Variants in ATP2B2 observed in about 807,000 individuals in gnomAD.
The protein encoded by ATP2B2 is plasma membrane calcium-transporting ATPase 2.
A neutral mutation model predicts 120.0 loss-of-function variants in ATP2B2; 15 were observed. That is an observed-to-expected ratio of 0.12 (90% CI 0.08 to 0.19). ATP2B2 has a LOEUF of 0.19. ATP2B2 is among the 10% of genes least tolerant of loss of function. The pLI is 1.00. For synonymous variants in ATP2B2, 694 were observed against 700.3 expected (o/e 0.99, Z 0.14); for missense variants, 1,045 against 1,719.8 (o/e 0.61, Z 6.94).
At chr3:10,637,774 T>C (rs964641510) in intron 1 of ATP2B2, among the ~76,000 whole-genome samples, 2 of 151,832 alleles carry the variant, frequency 1.3e-5, no homozygotes, top group Non-Finnish European at 1.5e-5. Context: ...ATAAGAACTA[T>C]AAACACACAG....
At chr3:10,656,664 C>A (rs944893019) in intron 1 of ATP2B2, among the ~76,000 whole-genome samples, 210 of 152,326 alleles carry the variant, frequency 1.4e-3, no homozygotes, top group African/African-American at 5.0e-3. Context: ...CCTCACACAG[C>A]TCAAATTCTA....
At chr3:10,390,119 T>TGTCACAGAGGCCTTGACAGC (rs1175966702) in intron 5 of ATP2B2, among the ~76,000 whole-genome samples, 1 of 152,172 alleles carries the variant, frequency 6.6e-6, no homozygotes, top group Non-Finnish European at 1.5e-5. Flanking sequence ...GGCTGGACAG[T>TGTCACAGAGGCCTTGACAGC]GTCACAGAGG....
chr3:10,629,302 A>AAT (rs2069796681), intron 1 of ATP2B2, among the ~76,000 whole-genome samples: 13 of 152,186 alleles, frequency 8.5e-5, no homozygotes, highest in Non-Finnish European at 1.6e-4. Flanking sequence ...ACCTCTGCAC[A>AAT]CGTCTACAAA....
chr3:10,411,588 T>G (rs1019707428), intron 2 of ATP2B2, among the ~76,000 whole-genome samples: 2 of 152,220 alleles, frequency 1.3e-5, no homozygotes, highest in African/African-American at 4.8e-5. Flanking sequence ...TACCCTCTAC[T>G]GTAATGCGGA....
At chr3:10,545,587 C>T (rs2067528605) in intron 2 of ATP2B2, among the ~76,000 whole-genome samples, 1 of 151,816 alleles carries the variant, frequency 6.6e-6, no homozygotes, top group South Asian at 2.1e-4. Context: ...AAAAACCCAA[C>T]CATTTTAAGA....
chr3:10,613,307 T>A (rs1183664805), intron 2 of ATP2B2, among the ~76,000 whole-genome samples: 1 of 152,146 alleles, frequency 6.6e-6, no homozygotes, highest in African/African-American at 2.4e-5. Flanking sequence ...GTGGTAATCA[T>A]AAAAGCGGCA....
At chr3:10,443,531 G>A (rs1278664884) in intron 2 of ATP2B2, among the ~76,000 whole-genome samples, 1 of 151,810 alleles carries the variant, frequency 6.6e-6, no homozygotes, top group African/African-American at 2.4e-5. Flanking sequence ...TGACCGGGAT[G>A]GGAGGATGTT....
At chr3:10,440,214 A>C (rs2063617937) in intron 2 of ATP2B2, among the ~76,000 whole-genome samples, 1 of 148,150 alleles carries the variant, frequency 6.7e-6, no homozygotes, top group South Asian at 2.2e-4. Context: ...CCTGTAGGGC[A>C]CTTCTGTGGA....
intron 2 of ATP2B2, among the ~76,000 whole-genome samples, chr3:10,430,205 T>C (rs1466260920): frequency 1.3e-5 from 2 of 152,254 alleles, no homozygotes; most frequent in Non-Finnish European, 2.9e-5. Context: ...ATATCTATTC[T>C]GCAGCCCATG....
intron 1 of ATP2B2, among the ~76,000 whole-genome samples, chr3:10,696,595 C>T (rs1410022192): frequency 1.3e-5 from 2 of 152,200 alleles, no homozygotes; most frequent in Non-Finnish European, 2.9e-5. Context: ...TTCCTTCCAT[C>T]CCCTGCCCTG....
intron 2 of ATP2B2, among the ~76,000 whole-genome samples, chr3:10,609,475 T>C (rs1304550770): frequency 6.6e-6 from 1 of 152,090 alleles, no homozygotes. Flanking sequence ...TCCAAGTGTG[T>C]GTAAAAAGAA....
chr3:10,535,312 C>T (rs1313097688), intron 2 of ATP2B2, among the ~76,000 whole-genome samples: 3 of 152,150 alleles, frequency 2.0e-5, no homozygotes, highest in Non-Finnish European at 4.4e-5. Flanking sequence ...GTTTAACTTG[C>T]ACTACTGCAG....
chr3:10,663,442 C>T (rs9848861), intron 1 of ATP2B2, among the ~76,000 whole-genome samples: 33,402 of 151,974 alleles, frequency 0.22, 6,149 homozygotes, highest in African/African-American at 0.5. Context: ...TCAAGCATGA[C>T]TCTAGTAGGG....
At chr3:10,344,360 G>C (rs1263252767) in intron 18 of ATP2B2, among the ~76,000 whole-genome samples, 6 of 152,110 alleles carry the variant, frequency 3.9e-5, no homozygotes, top group African/African-American at 1.4e-4. Flanking sequence ...CCAGGAAAGA[G>C]GGCCCTTCTG....
At chr3:10,349,690 G>A (rs764678844) in intron 16 of ATP2B2, among the ~76,000 whole-genome samples, 11 of 152,000 alleles carry the variant, frequency 7.2e-5, no homozygotes, top group Non-Finnish European at 4.4e-5. Flanking sequence ...GACTGAGAAC[G>A]AGTGAAGTAG....
intron 16 of ATP2B2, among the ~76,000 whole-genome samples, chr3:10,348,521 G>A (rs2060490454): frequency 6.6e-6 from 1 of 152,180 alleles, no homozygotes; most frequent in Non-Finnish European, 1.5e-5. Context: ...ACCTGCTCCA[G>A]TCTCCTGTAG....
At chr3:10,459,285 T>C (rs2064387966) in intron 1 of ATP2B2, among the ~76,000 whole-genome samples, 3 of 152,232 alleles carry the variant, frequency 2.0e-5, no homozygotes, top group Non-Finnish European at 4.4e-5. Flanking sequence ...TTGTGGAGTT[T>C]CTAATGAGGC....
At chr3:10,358,344 C>A (rs1274165840) in intron 14 of ATP2B2, among the ~76,000 whole-genome samples, 1 of 152,194 alleles carries the variant, frequency 6.6e-6, no homozygotes, top group Non-Finnish European at 1.5e-5. Context: ...CTGGCTCCTG[C>A]AGGGCAAGAG....
intron 2 of ATP2B2, among the ~76,000 whole-genome samples, chr3:10,538,240 A>C (rs1169098409): frequency 6.6e-6 from 1 of 152,202 alleles, no homozygotes; most frequent in African/African-American, 2.4e-5. Flanking sequence ...ACTTGGTAAA[A>C]TTCTGCAGTG....
Sources: gnomAD v4.1 joint callset for allele counts (sites outside exome capture counted in the v4.1 genomes callset) on GRCh38, gnomAD v4.1.1 for gene constraint, MANE v1.5 for transcripts, NCBI Gene and HGNC (gene_info 2026-07-23, HGNC 2026-07-21) for gene names.